PIK3C2G: variants seen among roughly 807,000 people sequenced by gnomAD.
PIK3C2G encodes phosphatidylinositol 3-kinase C2 domain-containing subunit gamma.
Under a neutral mutation model 181.1 loss-of-function variants are expected in PIK3C2G, and 168 were observed. That is an observed-to-expected ratio of 0.93 (90% CI 0.82 to 1.05). The LOEUF is 1.05. Ranked by LOEUF, PIK3C2G falls within the 50% of genes least tolerant of loss-of-function variation. The pLI is 0.00. For missense variants in PIK3C2G, 1,869 were observed against 1,732.8 expected, an observed-to-expected ratio of 1.08 and a Z score of -1.40; for synonymous variants, 573 against 592.2, an observed-to-expected ratio of 0.97 and a Z score of 0.47.
At chr12:18,646,950 G>C (rs1457521966) in intron 32 of PIK3C2G, among the ~76,000 whole-genome samples, 1 of 151,912 alleles carries the variant, frequency 6.6e-6, no homozygotes, top group Non-Finnish European at 1.5e-5. Context: ...ACGTGAAACT[G>C]TATATACAGC....
intron 8 of PIK3C2G, among the ~76,000 whole-genome samples, chr12:18,329,770 T>C (rs1937732960): frequency 6.6e-6 from 1 of 152,142 alleles, no homozygotes. Flanking sequence ...CTAATGATGT[T>C]TTACCTTTTA....
At chr12:18,310,664 A>G (rs1950599723) in intron 5 of PIK3C2G, among the ~76,000 whole-genome samples, 1 of 151,970 alleles carries the variant, frequency 6.6e-6, no homozygotes, top group Admixed American at 6.6e-5. Context: ...TGACCACCAG[A>G]AAGTAAAAAT....
chr12:18,690,713 C>A, the PIK3C2G span, among the ~76,000 whole-genome samples: 1 of 152,056 alleles, frequency 6.6e-6, no homozygotes, highest in Non-Finnish European at 1.5e-5. Flanking sequence ...AGACATGATT[C>A]CTAAGTCTTG....
rs550315579 is a variant in PIK3C2G at position 18,622,860 on chromosome 12, A to G, written c.4182+13231A>G. 3.0e-4 allele frequency among the ~76,000 whole-genome samples: 46 copies of G among 151,872 alleles called. No homozygotes were observed. The Middle Eastern group carries it at 0.01, about 34-fold the overall frequency. Reference sequence around the variant, plus strand: ...CCATTCATAGGTCTTCTTTTGAAGTATGTCTATCTGGGTTTCTTGACCCAC... The same window carrying G: ...CCATTCATAGGTCTTCTTTTGAAGTGTGTCTATCTGGGTTTCTTGACCCAC... On this transcript the variant is annotated intron_variant, in intron 31 of 32. Coordinates refer to ENST00000538779, the MANE Select transcript of PIK3C2G (RefSeq NM_001288772.2).
the PIK3C2G span, chr12:18,723,247 T>C: frequency 6.3e-6 from 9 of 1,431,666 alleles, no homozygotes; most frequent in Middle Eastern, 2.1e-4. Context: ...TGAAATAATT[T>C]TTGAAAAAAG....
intron 11 of PIK3C2G, among the ~76,000 whole-genome samples, chr12:18,361,493 C>T (rs1034668607): frequency 6.6e-6 from 1 of 151,838 alleles, no homozygotes; most frequent in East Asian, 1.9e-4. Context: ...GCAAAAACAG[C>T]TAACTCTCTC....
At chr12:18,673,424 T>C in the PIK3C2G span, among the ~76,000 whole-genome samples, 1 of 152,134 alleles carries the variant, frequency 6.6e-6, no homozygotes, top group Non-Finnish European at 1.5e-5. Context: ...CACCAAGATA[T>C]ACTTTTTACA....
chr12:18,414,855 G>T (rs938781931), intron 16 of PIK3C2G, among the ~76,000 whole-genome samples: 1 of 152,168 alleles, frequency 6.6e-6, no homozygotes, highest in African/African-American at 2.4e-5. Flanking sequence ...TCAAATGCAA[G>T]CTATGTTCGG....
At chr12:18,290,299 T>A (rs1338979423) in intron 3 of PIK3C2G, among the ~76,000 whole-genome samples, 3 of 152,146 alleles carry the variant, frequency 2.0e-5, no homozygotes, top group Non-Finnish European at 4.4e-5. Context: ...TAAGCAATTG[T>A]TCAGAATATA....
intron 19 of PIK3C2G, among the ~76,000 whole-genome samples, chr12:18,490,822 T>C (rs1940494026): frequency 6.6e-6 from 1 of 152,206 alleles, no homozygotes; most frequent in Admixed American, 6.5e-5. Context: ...TCTTTTGTCA[T>C]AGGATGCACA....
the PIK3C2G span, among the ~76,000 whole-genome samples, chr12:18,709,165 T>A: frequency 8.4e-4 from 128 of 152,284 alleles, no homozygotes; most frequent in African/African-American, 3.0e-3. Context: ...ATGTAAGTTT[T>A]TTATCCATTT....
At chr12:18,406,461 A>G (rs1253230514) in intron 16 of PIK3C2G, among the ~76,000 whole-genome samples, 4 of 152,316 alleles carry the variant, frequency 2.6e-5, no homozygotes, top group Non-Finnish European at 5.9e-5. Context: ...GTTCCTAAAA[A>G]GGAATAGGGA....
chr12:18,303,163 T>TTCTTCTTTC (rs1950273980), intron 5 of PIK3C2G, among the ~76,000 whole-genome samples: 16 of 144,470 alleles, frequency 1.1e-4, no homozygotes, highest in East Asian at 6.6e-4. Context: ...TTCTTTCTCT[T>TTCTTCTTTC]TCTTTCTTTC....
intron 31 of PIK3C2G, among the ~76,000 whole-genome samples, chr12:18,615,376 T>C (rs1948557139): frequency 2.9e-5 from 1 of 34,748 alleles, no homozygotes; most frequent in African/African-American, 5.7e-5. Flanking sequence ...TGTGTATGTG[T>C]ATATATATAT....
At chr12:18,350,923 G>A (rs1267867566) in intron 11 of PIK3C2G, among the ~76,000 whole-genome samples, 2 of 152,094 alleles carry the variant, frequency 1.3e-5, no homozygotes, top group African/African-American at 4.8e-5. Context: ...ACATTACTGA[G>A]AAATTAGGAA....
At chr12:18,525,771 A>G (rs538368943) in intron 24 of PIK3C2G, among the ~76,000 whole-genome samples, 17 of 152,368 alleles carry the variant, frequency 1.1e-4, no homozygotes, top group Admixed American at 3.9e-4. Context: ...TCATCACTGC[A>G]TAACAGGACA....
At chr12:18,425,386 CT>C (rs1228477062) in intron 18 of PIK3C2G, among the ~76,000 whole-genome samples, 874 of 65,296 alleles carry the variant, frequency 0.013, 2 homozygotes, top group African/African-American at 0.028. Context: ...ACAGACATTT[CT>C]TTTTTTTTTT....
At chr12:18,288,173 G>T (rs142438587) in intron 3 of PIK3C2G, among the ~76,000 whole-genome samples, 1 of 151,970 alleles carries the variant, frequency 6.6e-6, no homozygotes, top group Admixed American at 6.6e-5. Context: ...AAAAAAAAGA[G>T]AAGAAGATAA....
chr12:18,455,241 A>G (rs1467451624), intron 18 of PIK3C2G, among the ~76,000 whole-genome samples: 1 of 152,104 alleles, frequency 6.6e-6, no homozygotes, highest in Admixed American at 6.6e-5. Flanking sequence ...GGTCCAGCCT[A>G]CACTTAGGCA....
Sources: allele counts gnomAD v4.1 joint callset (sites outside exome capture counted in the v4.1 genomes callset), GRCh38; gene constraint gnomAD v4.1.1; transcripts MANE v1.5; gene names NCBI Gene and HGNC (gene_info 2026-07-23, HGNC 2026-07-21).